Variants in TAFA4 observed in about 807,000 individuals in gnomAD.
TAFA4 encodes the protein chemokine-like protein TAFA-4.
Under a neutral mutation model 21.1 loss-of-function variants are expected in TAFA4, and 20 were observed. The observed-to-expected ratio is 0.95, with a 90% CI of 0.67 to 1.38. The LOEUF (loss-of-function observed/expected upper bound fraction) is 1.38. TAFA4 is among the 40% of genes most tolerant of loss of function. TAFA4 has a pLI of 0.00. For missense variants in TAFA4, 211 were observed against 180.9 expected, an observed-to-expected ratio of 1.17 and a Z score of -0.95; for synonymous variants, 71 against 67.4, an observed-to-expected ratio of 1.05 and a Z score of -0.26.
Position 68,733,167 on chromosome 3 carries a change from A to C in TAFA4, c.412-14T>G. ...CTACCGCGTTACCTAAAACAAATCA[A>C]AATAAGGGAACATTCAACACTCTAT... On this transcript the variant is annotated splice_polypyrimidine_tract_variant and intron_variant, in intron 5 of 5. Transcript: ENST00000295569. The C allele has an allele frequency of 6.2e-7, 1 of 1,612,962 alleles. No individual in the cohort carries two copies. The highest frequency in any genetic ancestry group is 8.5e-7 in the Non-Finnish European group (1 of 1,179,282).
intron 4 of TAFA4, among the ~76,000 whole-genome samples, chr3:68,745,380 C>G (rs1255877348): frequency 6.6e-6 from 1 of 152,130 alleles, no homozygotes; most frequent in African/African-American, 2.4e-5. Context: ...TATCATAATA[C>G]ACTTTAAATG....
intron 3 of TAFA4, among the ~76,000 whole-genome samples, chr3:68,870,442 A>T (rs1385623516): frequency 6.6e-6 from 1 of 152,196 alleles, no homozygotes; most frequent in African/African-American, 2.4e-5. Flanking sequence ...ACACTACTTG[A>T]CTTCAAAATA....
In TAFA4 at chr3:68,745,334, T is replaced by C. The variant is rs554956367; in HGVS notation, c.287-6135A>G. On this transcript the variant is annotated intron_variant, in intron 4 of 5. Coordinates refer to ENST00000295569, the MANE Select transcript of TAFA4 (RefSeq NM_182522.5). ...CCTTGTCTCCACAGGAAAATAAGTTTGTAGGAGGCATAGATATTTTTTTCC... is the reference window on the plus strand; with the variant it reads ...CCTTGTCTCCACAGGAAAATAAGTTCGTAGGAGGCATAGATATTTTTTTCC... Among the ~76,000 whole-genome samples the C allele has an allele frequency of 5.6e-4, 85 of 152,334 alleles. 1 individual carries two copies. Among genetic ancestry groups the C allele is most frequent in the African/African-American group, 1.9e-3 (81 of 41,580 alleles).
chr3:68,812,396 CA>C (rs1703862714), intron 3 of TAFA4, among the ~76,000 whole-genome samples: 1 of 152,156 alleles, frequency 6.6e-6, no homozygotes, highest in Non-Finnish European at 1.5e-5. Context: ...GATCAAGAGT[CA>C]AGACCCATCA....
intron 3 of TAFA4, among the ~76,000 whole-genome samples, chr3:68,762,882 A>T (rs1464384327): frequency 6.6e-6 from 1 of 152,224 alleles, no homozygotes; most frequent in Admixed American, 6.5e-5. Flanking sequence ...TGCTAAAATT[A>T]TGAAAATTAG....
Position 68,753,018 on chromosome 3 carries a change from C to T in TAFA4, c.131G>A (p.Gly44Asp). The T allele has an allele frequency of 6.2e-7, 1 of 1,611,968 alleles. No individual in the cohort carries two copies. The highest frequency in any genetic ancestry group is 1.7e-5 in the Admixed American group (1 of 59,912). The part of the protein sequence containing the change: ...ASSQHLRGHA[G>D]HHQIKQGTCE... ...GGTCCCTTGCTTGATTTGGTGGTGA[C>T]CTAGTTGGTAATGGGGGAGAAAAAC... The change falls in exon 4 of 6, where the codon GGT (glycine) becomes GAT (aspartate). Residue 44 changes from glycine (G) to aspartate (D), a missense_variant and splice_region_variant. Gly to Asp is a moderately conservative substitution (Grantham distance 94, BLOSUM62 -1). Coordinates refer to ENST00000295569, the MANE Select transcript of TAFA4 (RefSeq NM_182522.5).
Position 68,830,347 on chromosome 3 carries a change from A to G in TAFA4, c.130+50383T>C, listed in dbSNP as rs185542590. 2.2e-4 allele frequency among the ~76,000 whole-genome samples: 34 copies of G among 152,358 alleles called. No homozygotes were observed. The East Asian group carries it at 6.0e-3, about 27-fold the overall frequency. ...TTTAGTGCTATAAATTTCCCTCAAC[A>G]TACTGCTGTAAATGTGTTCCAGAGA... On this transcript the variant is annotated intron_variant, in intron 3 of 5. Transcript: ENST00000295569.
At chr3:68,777,365 T>TA (rs1212644973) in intron 3 of TAFA4, among the ~76,000 whole-genome samples, 1 of 152,078 alleles carries the variant, frequency 6.6e-6, no homozygotes, top group Non-Finnish European at 1.5e-5. Context: ...TCTGTGTAGA[T>TA]AAAAATGTGC....
intron 3 of TAFA4, among the ~76,000 whole-genome samples, chr3:68,869,459 A>C (rs1466678168): frequency 6.6e-6 from 1 of 152,126 alleles, no homozygotes; most frequent in African/African-American, 2.4e-5. Context: ...AAACGTCCTC[A>C]ACAAAACACT....
At chr3:68,842,742 A>G (rs28749809) in intron 3 of TAFA4, among the ~76,000 whole-genome samples, 47,803 of 152,046 alleles carry the variant, frequency 0.31, 7,926 homozygotes, top group Non-Finnish European at 0.37. Flanking sequence ...GAAGGGGTCC[A>G]GTTTCAGTTT....
chr3:68,876,809 C>T (rs2089554716), intron 3 of TAFA4, among the ~76,000 whole-genome samples: 1 of 152,054 alleles, frequency 6.6e-6, no homozygotes, highest in Non-Finnish European at 1.5e-5. Flanking sequence ...AGATAACATT[C>T]AAAAGAAGAA....
At chr3:68,796,494 T>C (rs1466806324) in intron 3 of TAFA4, among the ~76,000 whole-genome samples, 1 of 152,076 alleles carries the variant, frequency 6.6e-6, no homozygotes, top group Non-Finnish European at 1.5e-5. Context: ...TATATGTAAC[T>C]CTAAATGGAT....
At chr3:68,741,269 A>G (rs1321884748) in intron 4 of TAFA4, among the ~76,000 whole-genome samples, 3 of 152,222 alleles carry the variant, frequency 2.0e-5, no homozygotes, top group African/African-American at 7.2e-5. Flanking sequence ...ATCCACGAAC[A>G]CAGGATATTG....
intron 3 of TAFA4, among the ~76,000 whole-genome samples, chr3:68,859,350 C>T (rs992002240): frequency 1.3e-5 from 2 of 152,110 alleles, no homozygotes; most frequent in Admixed American, 6.6e-5. Context: ...TGAATCCCTT[C>T]CTCCCCCTGA....
chr3:68,751,127 G>GT (rs1317725642), intron 4 of TAFA4, among the ~76,000 whole-genome samples: 1 of 152,208 alleles, frequency 6.6e-6, no homozygotes, highest in Non-Finnish European at 1.5e-5. Flanking sequence ...AATTAGTAAT[G>GT]TGCAGAAATG....
intron 3 of TAFA4, among the ~76,000 whole-genome samples, chr3:68,877,894 CT>C (rs1559551644): frequency 6.6e-6 from 1 of 152,132 alleles, no homozygotes; most frequent in African/African-American, 2.4e-5. Flanking sequence ...GTGCTAATCC[CT>C]TCACCTATTT....
In TAFA4 at chr3:68,823,186, A is replaced by G. The variant is rs551955453; in HGVS notation, c.130+57544T>C. On this transcript the variant is annotated intron_variant, in intron 3 of 5. Coordinates refer to ENST00000295569, the MANE Select transcript of TAFA4 (RefSeq NM_182522.5). ...TTGAAGGGGTCGACAGAATTTGGGG[A>G]AATGGGGTGCTGAACTTGGATGAGA... Among the ~76,000 whole-genome samples, 48 of 152,272 alleles carry G rather than the reference A, an allele frequency of 3.2e-4. 1 individual carries two copies. The South Asian group carries it at 9.5e-3, about 30-fold the overall frequency.
Position 68,901,859 on chromosome 3 carries a change from CT to C in TAFA4, c.-122-16550del, listed in dbSNP as rs2089846408. Among the ~76,000 whole-genome samples, 3 of 152,302 alleles carry C rather than the reference CT, an allele frequency of 2.0e-5. No homozygotes were observed. The South Asian group carries it at 6.2e-4, about 32-fold the overall frequency. Reference sequence around the variant, plus strand: ...GGTTCTTGTCCTCACTGTTTACATCCTTTCAGTGGGCAAATCATTAGACCTC... The same window carrying C: ...GGTTCTTGTCCTCACTGTTTACATCCTTCAGTGGGCAAATCATTAGACCTC... On this transcript the variant is annotated intron_variant, in intron 1 of 5. Coordinates refer to ENST00000295569, the MANE Select transcript of TAFA4 (RefSeq NM_182522.5).
At chr3:68,851,997 G>A (rs1180395919) in intron 3 of TAFA4, among the ~76,000 whole-genome samples, 2 of 152,176 alleles carry the variant, frequency 1.3e-5, no homozygotes, top group African/African-American at 4.8e-5. Context: ...CTGTCTGGGT[G>A]GGAGCCCAGG....
Sources: gnomAD v4.1 joint callset for allele counts (sites outside exome capture counted in the v4.1 genomes callset) on GRCh38, gnomAD v4.1.1 for gene constraint, MANE v1.5 for transcripts, NCBI Gene and HGNC (gene_info 2026-07-23, HGNC 2026-07-21) for gene names.